The following ZFP91 variants were observed in gnomAD, a reference collection of about 807,000 sequenced individuals.
The protein encoded by ZFP91 is E3 ubiquitin-protein ligase ZFP91.
In ZFP91, 7 loss-of-function variants were observed where a neutral mutation model predicts 63.5. The observed-to-expected ratio is 0.11, with a 90% CI of 0.06 to 0.21. The LOEUF is 0.21. Among genes scored for constraint, ZFP91 ranks in the 10% least tolerant of loss-of-function variants. ZFP91 has a pLI of 1.00. For synonymous variants in ZFP91, 330 were observed against 272.1 expected (o/e 1.21, Z -2.10); for missense variants, 628 against 736.6 (o/e 0.85, Z 1.71).
rs1185354483 is a variant in ZFP91 at position 58,618,474 on chromosome 11, CGAT to C, written c.*771_*773del. On this transcript the variant is annotated 3_prime_UTR_variant, in exon 11 of 11. Coordinates refer to ENST00000316059, the MANE Select transcript of ZFP91 (RefSeq NM_053023.5). ...AAGACAGGGCTCTGTATCAGTGAGA[CGAT>C]GAGAAAAGTCCCAGGCTAATGGCAG... is the stretch of plus-strand genomic sequence containing the variant. 18 of 365,260 alleles carry C rather than the reference CGAT, an allele frequency of 4.9e-5. No homozygotes were observed. The highest frequency in any genetic ancestry group is 3.6e-4 in the South Asian group (17 of 46,732). 22.6% of individuals were successfully genotyped at this position (365,260 alleles called of 1,614,324 possible). A position where few individuals can be genotyped will look rare whatever the true frequency, so the allele number is the denominator to read the frequency against.
rs1191388446 is a variant in ZFP91, at chr11:58,617,112, G to C, written c.1203-84G>C. On this transcript the variant is annotated intron_variant, in intron 10 of 10. Transcript: ENST00000316059. The surrounding 1 kb of genome is among the most constrained non-coding windows in gnomAD (Gnocchi z 4.2). ...TGTGTGTGTGTGTATGTATATATAT[G>C]CTCTAAACTCTAACCCTGATCCTGA... 2 of 1,113,000 alleles carry C rather than the reference G, an allele frequency of 1.8e-6. No individual in the cohort carries two copies. Among genetic ancestry groups the C allele is most frequent in the Non-Finnish European group, 2.5e-6 (2 of 788,530 alleles). 68.9% of individuals were successfully genotyped at this position (1,113,000 alleles called of 1,614,324 possible).
chr11:58,588,736 C>T (rs1331749522), intron 2 of ZFP91, among the ~76,000 whole-genome samples: 1 of 151,756 alleles, frequency 6.6e-6, no homozygotes, highest in Non-Finnish European at 1.5e-5. Context: ...GTTGGTTTTT[C>T]TTTCTTTCTA....
intron 2 of ZFP91, among the ~76,000 whole-genome samples, chr11:58,602,234 T>C (rs769907528): frequency 2.6e-5 from 4 of 152,166 alleles, no homozygotes; most frequent in Non-Finnish European, 4.4e-5. Context: ...AATATGTCTG[T>C]TTTTTAACAT....
chr11:58,610,885 A>C, intron 4 of ZFP91, 65 bp from the exon 5 acceptor site: 1 of 1,476,006 alleles, frequency 6.8e-7, no homozygotes, highest in Non-Finnish European at 9.2e-7. Context: ...AAAATTACCA[A>C]ATAAAATCCC....
chr11:58,610,892 T>TC, intron 4 of ZFP91, 58 bp from the exon 5 acceptor site: 9 of 1,493,648 alleles, frequency 6.0e-6, no homozygotes, highest in Non-Finnish European at 7.3e-6. Flanking sequence ...CCAAATAAAA[T>TC]CCCCTCAGAC....
chr11:58,580,347 C>T (rs1432900070), intron 1 of ZFP91, among the ~76,000 whole-genome samples: 1 of 152,176 alleles, frequency 6.6e-6, no homozygotes, highest in Non-Finnish European at 1.5e-5. Flanking sequence ...TCCTTTATTA[C>T]CTAGACGTAA....
intron 2 of ZFP91, among the ~76,000 whole-genome samples, chr11:58,585,454 G>A (rs1002664501): frequency 2.6e-5 from 4 of 152,138 alleles, no homozygotes; most frequent in African/African-American, 9.7e-5. Flanking sequence ...TTGCCCTAAC[G>A]TGTTGGACCA....
chr11:58,594,197 G>A (rs1224241253), intron 2 of ZFP91, among the ~76,000 whole-genome samples: 1 of 152,200 alleles, frequency 6.6e-6, no homozygotes, highest in Non-Finnish European at 1.5e-5. Context: ...TCCTCGGCAT[G>A]ATAAATGATG....
Position 58,592,377 on chromosome 11 carries a change from G to A in ZFP91, c.370+7493G>A, listed in dbSNP as rs185167964. The stretch of plus-strand genomic sequence containing the variant: ...GCTGGGATTATAGGCATGATCCACC[G>A]TGTCCAGTCTGCACATCCTTTTCTT... On this transcript the variant is annotated intron_variant, in intron 2 of 10. Transcript: ENST00000316059. 6.1e-3 allele frequency among the ~76,000 whole-genome samples: 930 copies of A among 152,092 alleles called. 6 individuals carry two copies. Among genetic ancestry groups the A allele is most frequent in the Middle Eastern group, 0.02 (6 of 294 alleles).
At chr11:58,582,249 C>T (rs1348585390) in intron 1 of ZFP91, among the ~76,000 whole-genome samples, 6 of 152,114 alleles carry the variant, frequency 3.9e-5, no homozygotes, top group Non-Finnish European at 7.4e-5. Flanking sequence ...GATTTTCAGT[C>T]ATAAAATACA....
chr11:58,607,028 A>T lies in ZFP91; in HGVS notation c.371-2802A>T, dbSNP rs7112516. 1.6e-3 allele frequency among the ~76,000 whole-genome samples: 240 copies of T among 152,106 alleles called. 1 individual carries two copies. The highest frequency in any genetic ancestry group is 5.5e-3 in the African/African-American group (229 of 41,500). On this transcript the variant is annotated intron_variant, in intron 2 of 10. Transcript: ENST00000316059. ...TATGCCTTATTCATAATGGTAAACT[A>T]TTGTTATCAAATTGGCATCATTTAT... is the stretch of plus-strand genomic sequence containing the variant.
intron 2 of ZFP91, among the ~76,000 whole-genome samples, chr11:58,595,353 C>A (rs1417993236): frequency 6.6e-6 from 1 of 152,134 alleles, no homozygotes; most frequent in Non-Finnish European, 1.5e-5. Context: ...ACTAACCACA[C>A]CCTGTTTCAC....
intron 2 of ZFP91, among the ~76,000 whole-genome samples, chr11:58,595,843 C>T (rs775592515): frequency 6.6e-6 from 1 of 152,136 alleles, no homozygotes; most frequent in Non-Finnish European, 1.5e-5. Flanking sequence ...TCCCAAAGTG[C>T]TGGGTATAGG....
At chr11:58,579,656 C>G in intron 1 of ZFP91, 34 bp downstream of exon 1, 1 of 1,497,472 alleles carries the variant, frequency 6.7e-7, no homozygotes, top group Non-Finnish European at 8.9e-7. Context: ...TGGGAAAGAC[C>G]CCCCTCTGTC....
chr11:58,598,742 T>C (rs1178086350), intron 2 of ZFP91, among the ~76,000 whole-genome samples: 1 of 141,634 alleles, frequency 7.1e-6, no homozygotes, highest in African/African-American at 2.8e-5. Context: ...GGCAATACTT[T>C]TGTGCACGTG....
Position 58,579,251 on chromosome 11 carries a change from G to A in ZFP91, c.-31G>A, listed in dbSNP as rs1590603665. On this transcript the variant is annotated 5_prime_UTR_variant, in exon 1 of 11. Transcript: ENST00000316059. Reference sequence around the variant, plus strand: ...CCGCCGCCTCCGCCTCCGCCGCCTAGGACTAGGGGGTGGGGGACGGACAAG... The same window carrying A: ...CCGCCGCCTCCGCCTCCGCCGCCTAAGACTAGGGGGTGGGGGACGGACAAG... The A allele has an allele frequency of 1.1e-5, 15 of 1,398,020 alleles. No homozygotes were observed. Among genetic ancestry groups the A allele is most frequent in the Non-Finnish European group, 1.3e-5 (14 of 1,086,724 alleles). The allele number at this position is 1,398,020 out of a possible 1,614,324, so 86.6% of individuals were successfully genotyped here. A position where few individuals can be genotyped will look rare whatever the true frequency, so the allele number is the denominator to read the frequency against.
At position 58,617,401 on chromosome 11, in the gene ZFP91, A is replaced by G. The variant is rs768507271; in HGVS notation, c.1408A>G (p.Ile470Val). 1 of 1,613,742 alleles carries G rather than the reference A, an allele frequency of 6.2e-7. No homozygotes were observed. Among genetic ancestry groups the G allele is most frequent in the South Asian group, 1.1e-5 (1 of 91,006 alleles). Residue 470 changes from isoleucine (I) to valine (V), a missense_variant, in exon 11 of 11, where the codon ATC becomes GTC. Transcript: ENST00000316059. The surrounding 1 kb of genome is among the most constrained non-coding windows in gnomAD (Gnocchi z 4.2). ...EALAANAGAL[I>V]TSTDILGTNP... Reference sequence around the variant, plus strand: ...TCTGGCTGCCAATGCAGGCGCCCTCATCACCAGCACAGATATCTTGGGCAC... The same window carrying G: ...TCTGGCTGCCAATGCAGGCGCCCTCGTCACCAGCACAGATATCTTGGGCAC...
At chr11:58,600,431 GTAA>G (rs200211047) in intron 2 of ZFP91, among the ~76,000 whole-genome samples, 1,659 of 151,942 alleles carry the variant, frequency 0.011, 37 homozygotes, top group African/African-American at 0.038. Context: ...TTGAATAAAG[GTAA>G]TAATTATTTT....
rs2134429174 is a variant in ZFP91 at position 58,618,902 on chromosome 11, C to G, written c.*1196C>G. The G allele has an allele frequency of 8.8e-6, 2 of 226,904 alleles. No individual in the cohort carries two copies. Among genetic ancestry groups the G allele is most frequent in the South Asian group, 5.1e-5 (1 of 19,740 alleles). 14.1% of individuals were successfully genotyped at this position (226,904 alleles called of 1,614,324 possible). A position where few individuals can be genotyped will look rare whatever the true frequency, so the allele number is the denominator to read the frequency against. ...TTTTGAGAGGGTGAGGAGGGTTGTTCAGAATCTAAATTACAGATAGATGAT... is the reference window on the plus strand; with the variant it reads ...TTTTGAGAGGGTGAGGAGGGTTGTTGAGAATCTAAATTACAGATAGATGAT... On this transcript the variant is annotated 3_prime_UTR_variant, in exon 11 of 11. Coordinates refer to ENST00000316059, the MANE Select transcript of ZFP91 (RefSeq NM_053023.5).
Sources: gnomAD v4.1 joint callset for allele counts (sites outside exome capture counted in the v4.1 genomes callset) on GRCh38, gnomAD v4.1.1 for gene constraint, Gnocchi (gnomAD v3.1) non-coding constraint, MANE v1.5 for transcripts, NCBI Gene and HGNC (gene_info 2026-07-23, HGNC 2026-07-21) for gene names.